Variants in LRRC47 observed in about 807,000 individuals in gnomAD.
LRRC47 encodes leucine-rich repeat-containing protein 47.
A neutral mutation model predicts 40.9 loss-of-function variants in LRRC47; 31 were observed. The ratio of observed to expected loss-of-function variants is 0.76; its 90% CI spans 0.57 to 1.02. LRRC47 has a LOEUF of 1.02. Ranked by LOEUF, LRRC47 falls within the 50% of genes least tolerant of loss-of-function variation. The probability of loss-of-function intolerance (pLI) is 0.00; values close to 1 mark genes in which losing one functional copy is unlikely to be tolerated. For synonymous variants in LRRC47, 427 were observed against 371.9 expected (o/e 1.15, Z -1.70); for missense variants, 726 against 796.1 (o/e 0.91, Z 1.06).
intron 1 of LRRC47, among the ~76,000 whole-genome samples, chr1:3,794,577 C>T (rs1426545913): frequency 2.0e-5 from 3 of 151,962 alleles, no homozygotes; most frequent in African/African-American, 7.2e-5. Context: ...TGACCTCAAG[C>T]GATCTGCCCG....
At chr1:3,786,693 C>T (rs949195869) in intron 2 of LRRC47, among the ~76,000 whole-genome samples, 156 bp downstream of exon 2, 24 of 152,158 alleles carry the variant, frequency 1.6e-4, no homozygotes, top group African/African-American at 5.6e-4. Flanking sequence ...TGCTCTATTC[C>T]CTTTTTGGAG....
chr1:3,784,302 G>A, intron 3 of LRRC47, 191 bp from the exon 4 acceptor site: 1 of 582,606 alleles, frequency 1.7e-6, no homozygotes. Context: ...AGCGTCCCGG[G>A]GAGACCTGAC....
At chr1:3,789,131 G>T (rs1012689883) in intron 1 of LRRC47, among the ~76,000 whole-genome samples, 2 of 152,276 alleles carry the variant, frequency 1.3e-5, no homozygotes, top group South Asian at 2.1e-4. Context: ...ACCAGGAGCC[G>T]TATCACCAAT....
chr1:3,779,963 T>TTTCCCCCCAAGAA lies in LRRC47; in HGVS notation c.*1124_*1125insTTCTTGGGGGGAA, dbSNP rs1553155886. Reference sequence around the variant, plus strand: ...CCAATTCTAAGGTCACATTAAAACTTTTCCCCCCAAGATTATGATCACTGC... The same window carrying TTTCCCCCCAAGAA: ...CCAATTCTAAGGTCACATTAAAACTTTTCCCCCCAAGAATTCCCCCCAAGATTATGATCACTGC... On this transcript the variant is annotated 3_prime_UTR_variant, in exon 7 of 7. Coordinates refer to ENST00000378251, the MANE Select transcript of LRRC47 (RefSeq NM_020710.3). 20 of 152,200 alleles carry TTTCCCCCCAAGAA rather than the reference T, an allele frequency of 1.3e-4. No homozygotes were observed. The highest frequency in any genetic ancestry group is 1.2e-3 in the Admixed American group (19 of 15,288). The allele number at this position is 152,200 out of a possible 1,614,324, so 9.4% of individuals were successfully genotyped here.
chr1:3,784,648 G>A (rs1421085272), intron 3 of LRRC47, among the ~76,000 whole-genome samples: 1 of 152,216 alleles, frequency 6.6e-6, no homozygotes, highest in African/African-American at 2.4e-5. Context: ...CCGCAAACGC[G>A]GTCTGTTTCA....
chr1:3,783,335 G>A (rs1240912056), intron 4 of LRRC47, among the ~76,000 whole-genome samples: 1 of 147,664 alleles, frequency 6.8e-6, no homozygotes, highest in Non-Finnish European at 1.5e-5. Flanking sequence ...CGGCAGAATC[G>A]CTTGAACCTA....
In LRRC47 at chr1:3,796,341, G is replaced by C. The variant is rs769345454; in HGVS notation, c.136C>G (p.Leu46Val). The change falls in exon 1 of 7, where the codon CTT becomes GTT. Residue 46 changes from leucine to valine, a missense_variant. Transcript: ENST00000378251. ...RAAGGQLPPR[L>V]FTLPLLHYLE... Reference sequence around the variant, plus strand: ...TAGTGCAGCAGCGGCAGGGTGAAAAGCCGCGGCGGCAGCTGCCCACCCGCC... The same window carrying C: ...TAGTGCAGCAGCGGCAGGGTGAAAACCCGCGGCGGCAGCTGCCCACCCGCC... 9 of 1,509,508 alleles carry C rather than the reference G, an allele frequency of 6.0e-6. No individual in the cohort carries two copies. The highest frequency in any genetic ancestry group is 4.7e-4 in the Middle Eastern group (2 of 4,286). The allele number at this position is 1,509,508 out of a possible 1,614,324, so 93.5% of individuals were successfully genotyped here. A position where few individuals can be genotyped will look rare whatever the true frequency, so the allele number is the denominator to read the frequency against.
chr1:3,781,483 T>C (rs1362481506), intron 6 of LRRC47, 29 bp downstream of exon 6: 1 of 1,606,962 alleles, frequency 6.2e-7, no homozygotes, highest in East Asian at 2.2e-5. Flanking sequence ...CTCAAAAGCG[T>C]TTCTCAGGAG....
At chr1:3,782,971 C>T (rs1302345952) in intron 4 of LRRC47, 6 of 580,966 alleles carry the variant, frequency 1.0e-5, no homozygotes, top group African/African-American at 1.9e-5. Context: ...TGGAGGACCA[C>T]CAGGCTGCCT....
chr1:3,795,589 G>A (rs147463706), intron 1 of LRRC47, among the ~76,000 whole-genome samples: 1 of 152,244 alleles, frequency 6.6e-6, no homozygotes, highest in African/African-American at 2.4e-5. Context: ...TTACAAAATA[G>A]CGTACCACGT....
chr1:3,783,990 G>A lies in LRRC47; in HGVS notation c.1310+6C>T. Reference sequence around the variant, plus strand: ...CCGGCCCCACCCCACCAGGCACGCTGCCCACCTGTGCAGGCCCGACACACT... The same window carrying A: ...CCGGCCCCACCCCACCAGGCACGCTACCCACCTGTGCAGGCCCGACACACT... On this transcript the variant is annotated splice_donor_region_variant and intron_variant, in intron 4 of 6. Coordinates refer to ENST00000378251, the MANE Select transcript of LRRC47 (RefSeq NM_020710.3). 2 of 1,601,522 alleles carry A rather than the reference G, an allele frequency of 1.2e-6. No individual in the cohort carries two copies. The highest frequency in any genetic ancestry group is 1.7e-6 in the Non-Finnish European group (2 of 1,177,632).
At position 3,786,944 on chromosome 1, in the gene LRRC47, C is replaced by T. The variant is rs772851625; in HGVS notation, c.982G>A (p.Glu328Lys). The change falls in exon 2 of 7, where the codon GAG (glutamate) becomes AAG (lysine). Residue 328 changes from glutamate (E) to lysine (K), a missense_variant. Coordinates refer to ENST00000378251, the MANE Select transcript of LRRC47 (RefSeq NM_020710.3). ...PVPLTVRVSP[E>K]VRDVRPYIVG... ...ATGTAGGGCCGCACATCCCGGACCT[C>T]GGGGCTCACTCTGACTGTCAGAGGT... 1.3e-5 allele frequency: 21 copies of T among 1,609,358 alleles called. No homozygotes were observed. Among genetic ancestry groups the T allele is most frequent in the Non-Finnish European group, 1.7e-5 (20 of 1,178,136 alleles).
intron 6 of LRRC47, 69 bp downstream of exon 6, chr1:3,781,443 G>A (rs572459622): frequency 1.1e-4 from 174 of 1,572,144 alleles, no homozygotes; most frequent in South Asian, 3.4e-5. Flanking sequence ...CAGGACGGGT[G>A]GGAAGTCAAG....
At chr1:3,785,534 G>A (rs969549837) in intron 2 of LRRC47, 1 of 154,642 alleles carries the variant, frequency 6.5e-6, no homozygotes, top group African/African-American at 2.4e-5. Context: ...GCTTTAAGTT[G>A]TAAAGCCCTG....
chr1:3,790,663 G>C, intron 1 of LRRC47, among the ~76,000 whole-genome samples: 1 of 152,358 alleles, frequency 6.6e-6, no homozygotes, highest in East Asian at 1.9e-4. Flanking sequence ...CAGGACACTG[G>C]GGAAGCCAGG....
Position 3,778,616 on chromosome 1 carries a change from TCA to T in LRRC47, c.*2470_*2471del, listed in dbSNP as rs1353763806. The T allele has an allele frequency of 6.5e-6, 1 of 153,644 alleles. No individual in the cohort carries two copies. The highest frequency in any genetic ancestry group is 1.5e-5 in the Non-Finnish European group (1 of 68,204). 9.5% of individuals were successfully genotyped at this position (153,644 alleles called of 1,614,324 possible). ...GGGGTGGGGTGGGGTGAAGAAAACA[TCA>T]GAGACACCTGTGCTGCGAGTTAAAT... is the stretch of plus-strand genomic sequence containing the variant. On this transcript the variant is annotated 3_prime_UTR_variant, in exon 7 of 7. Transcript: ENST00000378251.
intron 1 of LRRC47, among the ~76,000 whole-genome samples, chr1:3,787,822 A>G (rs1643590651): frequency 6.6e-6 from 1 of 152,182 alleles, no homozygotes; most frequent in South Asian, 2.1e-4. Flanking sequence ...ATGAAGTGCA[A>G]AGTTGCCCGC....
At position 3,784,077 on chromosome 1, in the gene LRRC47, T is replaced by G; in HGVS notation, c.1229A>C (p.Lys410Thr). ...CAGCTGCAGCTGCCGCACCAGCTCC[T>G]TGGCCTTGGCTTCTTTCCGCCCCAA... ...VPLGRKEAKA[K>T]ELVRQLQLEA... Residue 410 changes from lysine to threonine, a missense_variant, in exon 4 of 7, where the codon AAG becomes ACG. Coordinates refer to ENST00000378251, the MANE Select transcript of LRRC47 (RefSeq NM_020710.3). 1 of 1,613,132 alleles carries G rather than the reference T, an allele frequency of 6.2e-7. No homozygotes were observed. The highest frequency in any genetic ancestry group is 8.5e-7 in the Non-Finnish European group (1 of 1,179,604).
chr1:3,788,560 T>C (rs1169399037), intron 1 of LRRC47, among the ~76,000 whole-genome samples: 1 of 152,050 alleles, frequency 6.6e-6, no homozygotes, highest in East Asian at 1.9e-4. Flanking sequence ...TCGCCTGGAA[T>C]GGATGGCAGG....
Sources: gnomAD v4.1 joint callset for allele counts (sites outside exome capture counted in the v4.1 genomes callset) on GRCh38, gnomAD v4.1.1 for gene constraint, MANE v1.5 for transcripts, NCBI Gene and HGNC (gene_info 2026-07-23, HGNC 2026-07-21) for gene names.